Variants in OGDHL observed in about 807,000 individuals in gnomAD.
OGDHL encodes oxoglutarate dehydrogenase L, also known as 2-oxoglutarate dehydrogenase-like, mitochondrial.
A neutral mutation model predicts 109.6 loss-of-function variants in OGDHL; 79 were observed. That is an observed-to-expected ratio of 0.72 (90% CI 0.60 to 0.87). OGDHL has a LOEUF of 0.87. OGDHL is among the 40% of genes least tolerant of loss of function. The pLI is 0.00. For synonymous variants in OGDHL, 528 were observed against 537.2 expected, an observed-to-expected ratio of 0.98 and a Z score of 0.24; for missense variants, 1,275 against 1,362.2, an observed-to-expected ratio of 0.94 and a Z score of 1.01.
At chr10:49,741,838 T>C (rs1841690585) in intron 15 of OGDHL, among the ~76,000 whole-genome samples, 1 of 119,350 alleles carries the variant, frequency 8.4e-6, no homozygotes, top group South Asian at 2.8e-4. Context: ...CACACATCCA[T>C]GCACACACAC....
At chr10:49,759,289 G>C (rs1043634648) in intron 1 of OGDHL, among the ~76,000 whole-genome samples, 3 of 151,906 alleles carry the variant, frequency 2.0e-5, no homozygotes, top group Non-Finnish European at 4.4e-5. Flanking sequence ...AAGGGCTAAG[G>C]TCTGGAGGGG....
rs1842623218 is a variant in OGDHL at position 49,751,928 on chromosome 10, C to T, written c.648G>A (p.Glu216=). 5.6e-6 allele frequency: 9 copies of T among 1,614,204 alleles called. No homozygotes were observed. Among genetic ancestry groups the T allele is most frequent in the Non-Finnish European group, 7.6e-6 (9 of 1,180,036 alleles). ...GLEFMFINDV[E]QCQWIRQKFE... is the part of the protein sequence containing the mutation. ...ACTTCTGCCGGATCCACTGGCACTGCTCCACATCGTTGATGAACATGAACT... is the reference window on the plus strand; with the variant it reads ...ACTTCTGCCGGATCCACTGGCACTGTTCCACATCGTTGATGAACATGAACT... Residue 216 remains glutamate, a synonymous_variant, in exon 6 of 23, where the codon GAG becomes GAA. Coordinates refer to ENST00000374103, the MANE Select transcript of OGDHL (RefSeq NM_018245.3).
At chr10:49,759,209 G>A (rs918690897) in intron 1 of OGDHL, among the ~76,000 whole-genome samples, 3 of 152,248 alleles carry the variant, frequency 2.0e-5, no homozygotes, top group African/African-American at 2.4e-5. Flanking sequence ...GGGCCAGAGT[G>A]CCCTCTCTCC....
intron 8 of OGDHL, among the ~76,000 whole-genome samples, chr10:49,749,449 C>A (rs1842433667): frequency 6.6e-6 from 1 of 152,186 alleles, no homozygotes; most frequent in South Asian, 2.1e-4. Context: ...CAACTTCCAG[C>A]AAGCCTTTGC....
chr10:49,745,927 G>A lies in OGDHL; in HGVS notation c.1347C>T (p.Thr449=), dbSNP rs763553827. ...GCGCATTGACCACCCGGGCCACGTCGGTCGGGTATGGTGAGGAGCGGGCCA... is the reference window on the plus strand; with the variant it reads ...GCGCATTGACCACCCGGGCCACGTCAGTCGGGTATGGTGAGGAGCGGGCCA... ...PRMARSSPYP[T]DVARVVNAPI... The change falls in exon 11 of 23, where the codon ACC becomes ACT. Residue 449 remains threonine (T), a synonymous_variant. Transcript: ENST00000374103. The A allele has an allele frequency of 1.2e-5, 19 of 1,614,096 alleles. No individual in the cohort carries two copies. The highest frequency in any genetic ancestry group is 8.0e-5 in the African/African-American group (6 of 74,934).
Position 49,752,225 on chromosome 10 carries a change from C to T in OGDHL, c.502G>A (p.Asp168Asn). ...KLAFYDLQEA[D>N]LDKEFQLPTT... is the part of the protein sequence containing the mutation. ...GGCAGCTGGAACTCCTTATCAAGGTCAGCCTCCTGAAGGTCATAGAAGGCT... is the reference window on the plus strand; with the variant it reads ...GGCAGCTGGAACTCCTTATCAAGGTTAGCCTCCTGAAGGTCATAGAAGGCT... The change falls in exon 5 of 23, where the codon GAC becomes AAC. Residue 168 changes from aspartate to asparagine, a missense_variant. Physicochemically the swap from Asp to Asn is conservative, Grantham distance 23. Coordinates refer to ENST00000374103, the MANE Select transcript of OGDHL (RefSeq NM_018245.3). 6.2e-7 allele frequency: 1 copy of T among 1,614,032 alleles called. No homozygotes were observed. The highest frequency in any genetic ancestry group is 8.5e-7 in the Non-Finnish European group (1 of 1,180,010).
chr10:49,753,062 G>A (rs955383989), intron 3 of OGDHL, among the ~76,000 whole-genome samples: 5 of 151,694 alleles, frequency 3.3e-5, no homozygotes, highest in African/African-American at 7.3e-5. Flanking sequence ...GGAGACTGGC[G>A]CATGGATATG....
intron 11 of OGDHL, 73 bp from the exon 12 acceptor site, chr10:49,745,569 G>A: frequency 1.3e-6 from 2 of 1,580,756 alleles, no homozygotes; most frequent in Non-Finnish European, 8.6e-7. Context: ...CAAAATTGGG[G>A]AATATCTGGG....
chr10:49,738,162 C>T, intron 18 of OGDHL, 29 bp downstream of exon 18: 2 of 1,614,090 alleles, frequency 1.2e-6, no homozygotes, highest in Non-Finnish European at 1.7e-6. Flanking sequence ...AGGGCGCGTC[C>T]CTGTCCTGGG....
At position 49,740,805 on chromosome 10, in the gene OGDHL, A is replaced by G; in HGVS notation, c.2045T>C (p.Val682Ala). 4 of 1,613,764 alleles carry G rather than the reference A, an allele frequency of 2.5e-6. No homozygotes were observed. The highest frequency in any genetic ancestry group is 3.4e-6 in the Non-Finnish European group (4 of 1,179,790). ...CATAGGCACACACGTCCTGCGGTCA[A>G]CCTCCTGGTCATGGAGAACATGGTG... is the stretch of plus-strand genomic sequence containing the variant. Reference protein sequence around the residue: ...HRHHVLHDQEVDRRTCVPMNH... With the variant: ...HRHHVLHDQEADRRTCVPMNH... Residue 682 changes from valine to alanine, a missense_variant, in exon 16 of 23, where the codon GTT becomes GCT. Val to Ala is a moderately conservative substitution (Grantham distance 64). Transcript: ENST00000374103.
At position 49,742,585 on chromosome 10, in the gene OGDHL, A is replaced by G. The variant is rs374900327; in HGVS notation, c.2012+243T>C. Among the ~76,000 whole-genome samples, 478 of 139,132 alleles carry G rather than the reference A, an allele frequency of 3.4e-3. 4 individuals are homozygous for G. The highest frequency in any genetic ancestry group is 0.012 in the African/African-American group (455 of 37,972). The allele number at this position is 139,132 out of a possible 152,430, so 91.3% of individuals were successfully genotyped here. A position where few individuals can be genotyped will look rare whatever the true frequency, so the allele number is the denominator to read the frequency against. ...CTCACCACACACCCCCCACACACAC[A>G]TGATCCTGAGGACCACAGATGGCCA... On this transcript the variant is annotated intron_variant, in intron 15 of 22. Coordinates refer to ENST00000374103, the MANE Select transcript of OGDHL (RefSeq NM_018245.3).
chr10:49,739,658 C>T lies in OGDHL; in HGVS notation c.2319+3G>A. ...AGCCACCAGCCACCACCGCAGCCCT[C>T]ACCATGCCTTCCATGCCATGGGGCA... On this transcript the variant is annotated splice_donor_region_variant and intron_variant, in intron 17 of 22. Transcript: ENST00000374103. The T allele has an allele frequency of 6.2e-7, 1 of 1,612,638 alleles. No homozygotes were observed. The highest frequency in any genetic ancestry group is 8.5e-7 in the Non-Finnish European group (1 of 1,179,122).
chr10:49,756,095 G>T (rs1842897681), intron 3 of OGDHL, among the ~76,000 whole-genome samples: 1 of 152,232 alleles, frequency 6.6e-6, no homozygotes, highest in East Asian at 1.9e-4. Context: ...ATTTGCTAAT[G>T]CCCCCCTGTA....
chr10:49,750,735 C>G, intron 7 of OGDHL, 104 bp downstream of exon 7: 2 of 1,410,064 alleles, frequency 1.4e-6, no homozygotes, highest in Non-Finnish European at 1.9e-6. Flanking sequence ...CCTCTACCCC[C>G]AGGTCCCACC....
At position 49,744,668 on chromosome 10, in the gene OGDHL, A is replaced by G. The variant is rs753446683; in HGVS notation, c.1714T>C (p.Leu572=). 4 of 1,613,984 alleles carry G rather than the reference A, an allele frequency of 2.5e-6. No individual in the cohort carries two copies. The highest frequency in any genetic ancestry group is 3.4e-6 in the Non-Finnish European group (4 of 1,179,952). The part of the protein sequence containing the change: ...DKKILHIKHW[L]DSPWPGFFNV... ...CGCTCACCAGGCCAGGGGGAGTCCA[A>G]CCAGTGCTTTATATGCAGAATCTTT... The change falls in exon 13 of 23, where the codon TTG becomes CTG. Residue 572 remains leucine, a synonymous_variant. Coordinates refer to ENST00000374103, the MANE Select transcript of OGDHL (RefSeq NM_018245.3).
chr10:49,745,394 ACTT>A lies in OGDHL; in HGVS notation c.1576_1578del (p.Lys526del). ...CCCTCGGCAATCAGCTTGTCTGCGTACTTCTTCAGCACAGGCACCTGTCTGTGG... is the reference window on the plus strand; with the variant it reads ...CCCTCGGCAATCAGCTTGTCTGCGTACTTCAGCACAGGCACCTGTCTGTGG... On this transcript the variant is annotated inframe_deletion, in exon 12 of 23. Coordinates refer to ENST00000374103, the MANE Select transcript of OGDHL (RefSeq NM_018245.3). The A allele has an allele frequency of 1.2e-6, 2 of 1,614,070 alleles. No individual in the cohort carries two copies. Among genetic ancestry groups the A allele is most frequent in the Non-Finnish European group, 1.7e-6 (2 of 1,180,020 alleles).
intron 11 of OGDHL, 51 bp from the exon 12 acceptor site, chr10:49,745,547 AT>A: frequency 6.2e-7 from 1 of 1,604,424 alleles, no homozygotes; most frequent in Non-Finnish European, 8.5e-7. Flanking sequence ...TGTGTGGTCA[AT>A]GTAGCTGCTG....
intron 3 of OGDHL, 131 bp downstream of exon 3, chr10:49,756,645 C>A: frequency 1.1e-6 from 1 of 879,680 alleles, no homozygotes. Flanking sequence ...GAGTAGGTGC[C>A]GCTCAGTAGA....
chr10:49,742,950 C>T lies in OGDHL; in HGVS notation c.1890G>A (p.Ala630=), dbSNP rs766441363. The T allele has an allele frequency of 1.1e-5, 18 of 1,613,582 alleles. No homozygotes were observed. Among genetic ancestry groups the T allele is most frequent in the South Asian group, 5.5e-5 (5 of 91,090 alleles). ...CCACCGTCCGGTTCTTGGTCATGTCCGCACGGCCCCGCAGAATGCGAGAGA... is the reference window on the plus strand; with the variant it reads ...CCACCGTCCGGTTCTTGGTCATGTCTGCACGGCCCCGCAGAATGCGAGAGA... ...TGLSRILRGR[A]DMTKNRTVDW... Residue 630 remains alanine (A), a synonymous_variant, in exon 15 of 23, where the codon GCG becomes GCA. Transcript: ENST00000374103.
Sources: gnomAD v4.1 joint callset for allele counts (sites outside exome capture counted in the v4.1 genomes callset) on GRCh38, gnomAD v4.1.1 for gene constraint, MANE v1.5 for transcripts, NCBI Gene and HGNC (gene_info 2026-07-23, HGNC 2026-07-21) for gene names.